GABBR2: variants seen among roughly 807,000 people sequenced by gnomAD.
GABBR2 encodes the protein gamma-aminobutyric acid type B receptor subunit 2.
GABBR2 carries 23 observed loss-of-function variants against 105.6 expected under a neutral mutation model. The ratio of observed to expected loss-of-function variants is 0.22; its 90% CI spans 0.16 to 0.31. GABBR2 has a LOEUF of 0.31. Ranked by LOEUF, GABBR2 falls within the 10% of genes least tolerant of loss-of-function variation. The probability of loss-of-function intolerance (pLI) is 1.00; values close to 1 mark genes in which losing one functional copy is unlikely to be tolerated. For synonymous variants in GABBR2, 478 were observed against 499.7 expected (o/e 0.96, Z 0.58); for missense variants, 734 against 1,245.5 (o/e 0.59, Z 6.18).
chr9:98,358,305 A>G (rs1458983768), intron 13 of GABBR2, among the ~76,000 whole-genome samples: 2 of 152,184 alleles, frequency 1.3e-5, no homozygotes, highest in African/African-American at 2.4e-5. Flanking sequence ...GGTTGTGCCA[A>G]TGTACACTGG....
intron 1 of GABBR2, among the ~76,000 whole-genome samples, chr9:98,663,392 C>A (rs1428652824): frequency 6.6e-6 from 1 of 152,030 alleles, no homozygotes; most frequent in Admixed American, 6.6e-5. Context: ...TGATAGCAAT[C>A]GGCATGATAG....
chr9:98,457,369 T>C (rs1826342870), intron 6 of GABBR2, among the ~76,000 whole-genome samples: 1 of 152,244 alleles, frequency 6.6e-6, no homozygotes, highest in African/African-American at 2.4e-5. Context: ...AGGTGAACAT[T>C]CCCAGTGTGG....
chr9:98,683,850 T>C (rs1830582364), intron 1 of GABBR2, among the ~76,000 whole-genome samples: 1 of 151,388 alleles, frequency 6.6e-6, no homozygotes, highest in African/African-American at 2.4e-5. Flanking sequence ...CTACTAAAAC[T>C]ACAAAAAATT....
Position 98,593,188 on chromosome 9 carries a change from C to A in GABBR2, c.322-15116G>T, listed in dbSNP as rs528649149. Among the ~76,000 whole-genome samples the A allele has an allele frequency of 5.9e-5, 9 of 152,258 alleles. No homozygotes were observed. In the South Asian group the frequency reaches 1.5e-3, roughly 25 times the overall value. On this transcript the variant is annotated intron_variant, in intron 1 of 18. Transcript: ENST00000259455. ...GTGTACAACTCAGTGGCATTAAGTG[C>A]ACTCACCATGTTGTGTAACCATCAC... is the stretch of plus-strand genomic sequence containing the variant.
chr9:98,508,296 G>A (rs778602257), intron 3 of GABBR2, among the ~76,000 whole-genome samples: 1 of 152,220 alleles, frequency 6.6e-6, no homozygotes, highest in African/African-American at 2.4e-5. Context: ...AGCCAAGATG[G>A]CCGAATAGGA....
chr9:98,533,467 C>T (rs10217758), intron 3 of GABBR2, among the ~76,000 whole-genome samples: 200 of 152,256 alleles, frequency 1.3e-3, no homozygotes, highest in African/African-American at 4.5e-3. Context: ...AACAGGTGGA[C>T]TCAGGAAAAC....
chr9:98,519,712 T>TTC (rs781064094), intron 3 of GABBR2, among the ~76,000 whole-genome samples: 1 of 126,306 alleles, frequency 7.9e-6, no homozygotes, highest in East Asian at 2.4e-4. Context: ...GCCGGCAACT[T>TTC]TTTTTTTTTT....
intron 2 of GABBR2, among the ~76,000 whole-genome samples, chr9:98,549,256 G>A (rs1828444803): frequency 8.2e-6 from 1 of 121,918 alleles, no homozygotes; most frequent in South Asian, 2.7e-4. Flanking sequence ...TCTTTTCCAT[G>A]TTTTGATAGT....
chr9:98,468,756 T>G (rs1387075014), intron 6 of GABBR2, among the ~76,000 whole-genome samples: 1 of 151,918 alleles, frequency 6.6e-6, no homozygotes, highest in African/African-American at 2.4e-5. Flanking sequence ...AGGTTGCAGA[T>G]TAAGTGGTGT....
At chr9:98,541,745 G>T in intron 3 of GABBR2, 128 bp downstream of exon 3, 1 of 764,668 alleles carries the variant, frequency 1.3e-6, no homozygotes. Flanking sequence ...AAACAGCTTT[G>T]ATCGCACTAA....
chr9:98,319,786 G>T (rs964620617), intron 13 of GABBR2, among the ~76,000 whole-genome samples: 1 of 152,090 alleles, frequency 6.6e-6, no homozygotes, highest in African/African-American at 2.4e-5. Flanking sequence ...CAGCTGTTTT[G>T]GCAGCCAGAT....
intron 8 of GABBR2, among the ~76,000 whole-genome samples, chr9:98,397,305 T>C (rs1281005143): frequency 6.6e-6 from 1 of 152,202 alleles, no homozygotes; most frequent in African/African-American, 2.4e-5. Context: ...TGGAGAGATG[T>C]TGATACTAAA....
intron 1 of GABBR2, among the ~76,000 whole-genome samples, chr9:98,649,522 A>G (rs967035237): frequency 6.6e-6 from 1 of 152,176 alleles, no homozygotes; most frequent in South Asian, 2.1e-4. Context: ...CAATGTCTTC[A>G]TTTTCCTTTT....
At chr9:98,462,325 T>C (rs1276630883) in intron 6 of GABBR2, among the ~76,000 whole-genome samples, 9 of 152,224 alleles carry the variant, frequency 5.9e-5, no homozygotes. Flanking sequence ...AGATTAGGAA[T>C]ATCTATTCAT....
intron 5 of GABBR2, among the ~76,000 whole-genome samples, 157 bp from the exon 6 acceptor site, chr9:98,473,503 T>C (rs1588180519): frequency 6.6e-6 from 1 of 152,078 alleles, no homozygotes; most frequent in South Asian, 2.1e-4. Context: ...TATCAAAGGA[T>C]CCAAGGTAGT....
At position 98,290,637 on chromosome 9, in the gene GABBR2, G is replaced by A; in HGVS notation, c.2773C>T (p.Pro925Ser). The A allele has an allele frequency of 6.9e-7, 1 of 1,451,632 alleles. No individual in the cohort carries two copies. The highest frequency in any genetic ancestry group is 9.0e-7 in the Non-Finnish European group (1 of 1,106,044). The allele number at this position is 1,451,632 out of a possible 1,614,324, so 89.9% of individuals were successfully genotyped here. The change falls in exon 19 of 19, where the codon CCC (proline) becomes TCC (serine). Residue 925 changes from proline to serine, a missense_variant. Coordinates refer to ENST00000259455, the MANE Select transcript of GABBR2 (RefSeq NM_005458.8). The part of the protein sequence containing the change: ...VSPCVSPTAS[P>S]RHRHVPPSFR... ...GAGGGTGGCACATGTCTGTGGCGGG[G>A]GCTGGCGGTGGGGCTGACGCAGGGG...
intron 2 of GABBR2, among the ~76,000 whole-genome samples, chr9:98,565,183 G>A (rs1253138000): frequency 6.6e-6 from 1 of 152,132 alleles, no homozygotes; most frequent in Non-Finnish European, 1.5e-5. Context: ...CCTGCAGAAG[G>A]GGTGTCCTAC....
At chr9:98,672,757 T>A (rs186964610) in intron 1 of GABBR2, among the ~76,000 whole-genome samples, 3 of 150,762 alleles carry the variant, frequency 2.0e-5, no homozygotes, top group African/African-American at 7.5e-5. Flanking sequence ...AACTAGACAG[T>A]TTATCTTTAA....
intron 13 of GABBR2, among the ~76,000 whole-genome samples, chr9:98,333,346 T>G (rs1831060323): frequency 6.6e-6 from 1 of 152,136 alleles, no homozygotes; most frequent in South Asian, 2.1e-4. Flanking sequence ...CTACCATAAA[T>G]TGGGCGGCTT....
Sources: gnomAD v4.1 joint callset for allele counts (sites outside exome capture counted in the v4.1 genomes callset) on GRCh38, gnomAD v4.1.1 for gene constraint, MANE v1.5 for transcripts, NCBI Gene and HGNC (gene_info 2026-07-23, HGNC 2026-07-21) for gene names.